Variants in NUTM1 observed in about 807,000 individuals in gnomAD.
The protein encoded by NUTM1 is NUT family member 1.
Under a neutral mutation model 88.7 loss-of-function variants are expected in NUTM1, and 39 were observed. That is an observed-to-expected ratio of 0.44 (90% CI 0.34 to 0.57). The LOEUF (loss-of-function observed/expected upper bound fraction) is 0.57. Among genes scored for constraint, NUTM1 ranks in the 20% least tolerant of loss-of-function variants. The pLI, the probability that NUTM1 is intolerant of heterozygous loss-of-function variation, is 0.01. For synonymous variants in NUTM1, 494 were observed against 538.0 expected, an observed-to-expected ratio of 0.92 and a Z score of 1.13; for missense variants, 1,350 against 1,414.5, an observed-to-expected ratio of 0.95 and a Z score of 0.73.
intron 3 of NUTM1, among the ~76,000 whole-genome samples, chr15:34,349,907 G>T (rs1310717086): frequency 6.6e-6 from 1 of 152,144 alleles, no homozygotes; most frequent in Non-Finnish European, 1.5e-5. Flanking sequence ...CATTTGCTTT[G>T]GGTCCTGGTC....
rs1443241937 is a variant in NUTM1, at chr15:34,348,653, CAGA to C, written c.788_790del (p.Glu263del). 1 of 1,605,622 alleles carries C rather than the reference CAGA, an allele frequency of 6.2e-7. No homozygotes were observed. Among genetic ancestry groups the C allele is most frequent in the East Asian group, 2.2e-5 (1 of 44,888 alleles). Reference sequence around the variant, plus strand: ...AGGCACCTATCCCAGAGTCCTGACACAGAAGCTCTTTCCTGTTTTCTTATGTAA... The same window carrying C: ...AGGCACCTATCCCAGAGTCCTGACACAGCTCTTTCCTGTTTTCTTATGTAA... On this transcript the variant is annotated inframe_deletion, in exon 3 of 8. Transcript: ENST00000537011.
At position 34,357,625 on chromosome 15, in the gene NUTM1, A is replaced by G; in HGVS notation, c.*134A>G. On this transcript the variant is annotated 3_prime_UTR_variant, in exon 8 of 8. Transcript: ENST00000537011. Reference sequence around the variant, plus strand: ...TCCCAATGTTGTTTTGTTGTTCTGCAAAAGTGGCAAGCATGGAGAGAGAGG... The same window carrying G: ...TCCCAATGTTGTTTTGTTGTTCTGCGAAAGTGGCAAGCATGGAGAGAGAGG... 6.4e-7 allele frequency: 1 copy of G among 1,550,532 alleles called. No individual in the cohort carries two copies. The highest frequency in any genetic ancestry group is 8.8e-7 in the Non-Finnish European group (1 of 1,135,554).
chr15:34,352,877 C>CTTTTTT (rs778786955), intron 4 of NUTM1, among the ~76,000 whole-genome samples: 3 of 52,804 alleles, frequency 5.7e-5, no homozygotes, highest in African/African-American at 2.1e-4. Flanking sequence ...TCATTCTTAA[C>CTTTTTT]TTTTTTTTTT....
Position 34,348,704 on chromosome 15 carries a change from A to T in NUTM1, c.809+27A>T, listed in dbSNP as rs1263589448. 10 of 1,487,914 alleles carry T rather than the reference A, an allele frequency of 6.7e-6. No individual in the cohort carries two copies. The East Asian group carries it at 2.0e-4, about 30-fold the overall frequency. The allele number at this position is 1,487,914 out of a possible 1,614,324, so 92.2% of individuals were successfully genotyped here. A position where few individuals can be genotyped will look rare whatever the true frequency, so the allele number is the denominator to read the frequency against. On this transcript the variant is annotated intron_variant, in intron 3 of 7. Coordinates refer to ENST00000537011, the MANE Select transcript of NUTM1 (RefSeq NM_001284292.2). The stretch of plus-strand genomic sequence containing the variant: ...TAAGTGGGGAGACCGGAGATTAATT[A>T]TTCTAGGGCTTTTAAATAAGGAGGA...
chr15:34,354,999 C>G, intron 6 of NUTM1, 22 bp from the exon 7 acceptor site: 1 of 1,553,224 alleles, frequency 6.4e-7, no homozygotes, highest in Non-Finnish European at 8.9e-7. Flanking sequence ...AGACTTACAT[C>G]GCTTTTCCTT....
intron 3 of NUTM1, among the ~76,000 whole-genome samples, chr15:34,349,002 A>G (rs1324607182): frequency 6.6e-6 from 1 of 152,120 alleles, no homozygotes; most frequent in Non-Finnish European, 1.5e-5. Context: ...TCTCACTCTA[A>G]GTGCCAGGGT....
At chr15:34,350,654 G>T in intron 3 of NUTM1, 50 bp from the exon 4 acceptor site, 2 of 1,592,628 alleles carry the variant, frequency 1.3e-6, no homozygotes, top group South Asian at 2.3e-5. Context: ...GTCAGGGCAG[G>T]TGGATGGGAG....
At chr15:34,354,988 C>G (rs1261723712) in intron 6 of NUTM1, 33 bp from the exon 7 acceptor site, 2 of 1,512,862 alleles carry the variant, frequency 1.3e-6, no homozygotes, top group Non-Finnish European at 1.8e-6. Flanking sequence ...TACCTGCTTA[C>G]AGACTTACAT....
At position 34,357,631 on chromosome 15, in the gene NUTM1, G is replaced by A. The variant is rs746552485; in HGVS notation, c.*140G>A. 6.6e-7 allele frequency: 1 copy of A among 1,522,236 alleles called. No individual in the cohort carries two copies. Among genetic ancestry groups the A allele is most frequent in the Non-Finnish European group, 9.0e-7 (1 of 1,110,140 alleles). The allele number at this position is 1,522,236 out of a possible 1,614,324, so 94.3% of individuals were successfully genotyped here. A position where few individuals can be genotyped will look rare whatever the true frequency, so the allele number is the denominator to read the frequency against. ...TGTTGTTTTGTTGTTCTGCAAAAGT[G>A]GCAAGCATGGAGAGAGAGGTCAGAC... On this transcript the variant is annotated 3_prime_UTR_variant, in exon 8 of 8. Transcript: ENST00000537011.
intron 1 of NUTM1, among the ~76,000 whole-genome samples, chr15:34,344,358 C>T (rs1396378208): frequency 1.3e-5 from 2 of 151,442 alleles, no homozygotes; most frequent in South Asian, 2.1e-4. Flanking sequence ...CAAAAATTAG[C>T]GGGGCGTGGT....
chr15:34,353,736 G>T lies in NUTM1; in HGVS notation c.939G>T (p.Arg313Ser), dbSNP rs773134684. The change falls in exon 5 of 8, where the codon AGG becomes AGT. Residue 313 changes from arginine (R) to serine (S), a missense_variant and splice_region_variant. By Grantham distance (110) the Arg-to-Ser change is moderately radical. Around this residue, in one of 5 missense-constraint regions of NUTM1, gnomAD observed 399 missense variants for 397.9 expected, o/e 1.00. Coordinates refer to ENST00000537011, the MANE Select transcript of NUTM1 (RefSeq NM_001284292.2). ...CCTATGCCTTTCTCACCCTCTGCAG[G>T]TTCATGGAGTTTGAGGCTGAGGAGA... Reference protein sequence around the residue: ...DRMIFYEMAERFMEFEAEEMQ... With the variant: ...DRMIFYEMAESFMEFEAEEMQ... 4.3e-6 allele frequency: 7 copies of T among 1,614,098 alleles called. No homozygotes were observed. The highest frequency in any genetic ancestry group is 5.9e-6 in the Non-Finnish European group (7 of 1,180,020).
chr15:34,356,608 G>A lies in NUTM1; in HGVS notation c.2600G>A (p.Gly867Asp), dbSNP rs774320949. The stretch of plus-strand genomic sequence containing the variant: ...CATCCCAGTGATCTGTGGGCAGAAG[G>A]TTGCTTCCCATTGCTAGAAAGTGGT... ...VGHPSDLWAE[G>D]CFPLLESGDS... The change falls in exon 8 of 8, where the codon GGT (glycine) becomes GAT (aspartate). Residue 867 changes from glycine to aspartate, a missense_variant. By Grantham distance (94) the Gly-to-Asp change is moderately conservative. This residue lies in a region of NUTM1 where 730 missense variants were observed against 728.8 expected (regional missense o/e 1.00). Transcript: ENST00000537011. 3 of 1,613,812 alleles carry A rather than the reference G, an allele frequency of 1.9e-6. No individual in the cohort carries two copies. Among genetic ancestry groups the A allele is most frequent in the African/African-American group, 2.7e-5 (2 of 74,818 alleles).
At chr15:34,343,730 G>A (rs747521479) in intron 1 of NUTM1, 28 bp downstream of exon 1, 1 of 1,531,470 alleles carries the variant, frequency 6.5e-7, no homozygotes, top group South Asian at 1.2e-5. Flanking sequence ...ACGTAATAAA[G>A]TGCACCTTCT....
chr15:34,355,346 A>G lies in NUTM1; in HGVS notation c.1480-142A>G. The G allele has an allele frequency of 1.3e-6, 1 of 787,264 alleles. No individual in the cohort carries two copies. Among genetic ancestry groups the G allele is most frequent in the Non-Finnish European group, 2.1e-6 (1 of 484,814 alleles). The allele number at this position is 787,264 out of a possible 1,614,324, so 48.8% of individuals were successfully genotyped here. ...AATAAGGCACAAGAAGGTGGGAAAGAGCTGCAGTATCTGTCTTTGCTACCA... is the reference window on the plus strand; with the variant it reads ...AATAAGGCACAAGAAGGTGGGAAAGGGCTGCAGTATCTGTCTTTGCTACCA... On this transcript the variant is annotated intron_variant, in intron 7 of 7. Coordinates refer to ENST00000537011, the MANE Select transcript of NUTM1 (RefSeq NM_001284292.2). This position sits in a 1 kb window ranked among gnomAD's most constrained non-coding sequence, Gnocchi z 4.3.
chr15:34,353,681 C>G, intron 4 of NUTM1, 55 bp from the exon 5 acceptor site: 1 of 1,598,428 alleles, frequency 6.3e-7, no homozygotes, highest in Admixed American at 1.7e-5. Context: ...GTCTGGATTT[C>G]TGATGGGTCT....
At chr15:34,345,752 G>A in intron 1 of NUTM1, 190 bp from the exon 2 acceptor site, 1 of 709,086 alleles carries the variant, frequency 1.4e-6, no homozygotes, top group Non-Finnish European at 2.2e-6. Context: ...TTGCCAAACT[G>A]TAGTTTGAAG....
In NUTM1 at chr15:34,357,652, C is replaced by G; in HGVS notation, c.*161C>G. On this transcript the variant is annotated 3_prime_UTR_variant, in exon 8 of 8. Transcript: ENST00000537011. ...AAGTGGCAAGCATGGAGAGAGAGGTCAGACTGGCTAGGCTGCAGGGGGAAT... is the reference window on the plus strand; with the variant it reads ...AAGTGGCAAGCATGGAGAGAGAGGTGAGACTGGCTAGGCTGCAGGGGGAAT... 1 of 1,329,322 alleles carries G rather than the reference C, an allele frequency of 7.5e-7. No homozygotes were observed. Among genetic ancestry groups the G allele is most frequent in the Non-Finnish European group, 1.1e-6 (1 of 935,090 alleles). 82.3% of individuals were successfully genotyped at this position (1,329,322 alleles called of 1,614,324 possible).
At chr15:34,354,019 C>A in intron 5 of NUTM1, 147 bp downstream of exon 5, 1 of 875,736 alleles carries the variant, frequency 1.1e-6, no homozygotes, top group Non-Finnish European at 1.7e-6. Context: ...ACAGACCACC[C>A]CATAGGAGGC....
At chr15:34,349,594 C>A (rs910554241) in intron 3 of NUTM1, among the ~76,000 whole-genome samples, 1 of 152,164 alleles carries the variant, frequency 6.6e-6, no homozygotes, top group Non-Finnish European at 1.5e-5. Context: ...CCCACCCAGA[C>A]CCACTGTCCC....
Sources: gnomAD v4.1 joint callset for allele counts (sites outside exome capture counted in the v4.1 genomes callset) on GRCh38, gnomAD v4.1.1 for gene constraint, gnomAD v4.1.1 regional missense constraint, Gnocchi (gnomAD v3.1) non-coding constraint, MANE v1.5 for transcripts, NCBI Gene and HGNC (gene_info 2026-07-23, HGNC 2026-07-21) for gene names.